Variants in AMBRA1 observed in about 807,000 individuals in gnomAD.
AMBRA1 encodes the protein autophagy and beclin 1 regulator 1.
In AMBRA1, 47 loss-of-function variants were observed where a neutral mutation model predicts 125.4. That is an observed-to-expected ratio of 0.37 (90% confidence interval 0.30 to 0.48). The LOEUF (loss-of-function observed/expected upper bound fraction) is 0.48, where lower values mean the gene tolerates loss of function less well. Ranked by LOEUF, AMBRA1 falls within the 20% of genes least tolerant of loss-of-function variation. The pLI, the probability that AMBRA1 is intolerant of heterozygous loss-of-function variation, is 0.99. For missense variants in AMBRA1, 1,331 were observed against 1,693.4 expected (o/e 0.79, Z 3.76); for synonymous variants, 626 against 655.5 (o/e 0.95, Z 0.69).
At chr11:46,418,102 T>G in intron 14 of AMBRA1, 50 bp from the exon 15 acceptor site, 1 of 1,485,342 alleles carries the variant, frequency 6.7e-7, no homozygotes, top group Non-Finnish European at 9.1e-7. Context: ...AGAAACAATT[T>G]GTTACCAAGA....
intron 1 of AMBRA1, among the ~76,000 whole-genome samples, chr11:46,584,518 TATAATA>T (rs571769164): frequency 3.3e-5 from 5 of 151,124 alleles, no homozygotes; most frequent in South Asian, 2.1e-4. Context: ...AAACTTGAAG[TATAATA>T]ATAATAATAA....
chr11:46,554,425 A>C (rs946728827), intron 1 of AMBRA1, among the ~76,000 whole-genome samples: 5 of 152,112 alleles, frequency 3.3e-5, no homozygotes, highest in African/African-American at 1.2e-4. Flanking sequence ...TACAAATATC[A>C]ATACCAAGAA....
At chr11:46,457,830 A>C (rs1181990335) in intron 11 of AMBRA1, among the ~76,000 whole-genome samples, 3 of 147,370 alleles carry the variant, frequency 2.0e-5, no homozygotes, top group African/African-American at 7.5e-5. Context: ...TGAGCCAAGG[A>C]GGGAGGTGGA....
intron 12 of AMBRA1, among the ~76,000 whole-genome samples, chr11:46,436,368 G>C (rs1336933515): frequency 1.3e-5 from 2 of 152,174 alleles, no homozygotes; most frequent in African/African-American, 2.4e-5. Context: ...TATCAAAAAA[G>C]GCATTAGAAT....
intron 5 of AMBRA1, among the ~76,000 whole-genome samples, chr11:46,544,452 G>C (rs1407451756): frequency 6.6e-6 from 1 of 152,122 alleles, no homozygotes; most frequent in Non-Finnish European, 1.5e-5. Context: ...AACAGTCCCA[G>C]CATTAAGTGA....
intron 11 of AMBRA1, among the ~76,000 whole-genome samples, chr11:46,465,671 T>G (rs1949293465): frequency 6.6e-6 from 1 of 152,104 alleles, no homozygotes; most frequent in Non-Finnish European, 1.5e-5. Context: ...TTACTTTTGG[T>G]TTTTCCTGGC....
chr11:46,542,181 A>C lies in AMBRA1; in HGVS notation c.1836T>G (p.Ser612Arg), dbSNP rs1467841006. ...VPSSFESVPS[S>R]GSQLPPLERT... The stretch of plus-strand genomic sequence containing the variant: ...GCTCGAGAGGTGGCAACTGGCTGCC[A>C]CTTGATGGCACACTCTCAAAGGAGC... The change falls in exon 7 of 18, where the codon AGT becomes AGG. Residue 612 changes from serine to arginine, a missense_variant. Ser to Arg is a moderately radical substitution (Grantham distance 110). This residue lies in a region of AMBRA1 where 689 missense variants were observed against 776.5 expected (regional missense o/e 0.89). Transcript: ENST00000683756. This position sits in a 1 kb window ranked among gnomAD's most constrained non-coding sequence, Gnocchi z 5.9. 1.2e-6 allele frequency: 2 copies of C among 1,613,762 alleles called. No homozygotes were observed. The highest frequency in any genetic ancestry group is 2.7e-5 in the African/African-American group (2 of 75,044).
At chr11:46,487,332 T>G (rs1565209870) in intron 11 of AMBRA1, among the ~76,000 whole-genome samples, 1 of 151,968 alleles carries the variant, frequency 6.6e-6, no homozygotes, top group Non-Finnish European at 1.5e-5. Flanking sequence ...TAATAACAAG[T>G]AAATTGTTGT....
chr11:46,519,888 C>T (rs530761683), intron 7 of AMBRA1, among the ~76,000 whole-genome samples: 16 of 152,088 alleles, frequency 1.1e-4, no homozygotes, highest in Non-Finnish European at 2.1e-4. Flanking sequence ...GCCTGTAATC[C>T]CAGCACTTTG....
chr11:46,528,066 C>T (rs1166928355), intron 7 of AMBRA1, among the ~76,000 whole-genome samples: 1 of 152,172 alleles, frequency 6.6e-6, no homozygotes, highest in Non-Finnish European at 1.5e-5. Context: ...AAATGTCCAT[C>T]AGTAGATGAA....
chr11:46,482,776 C>G (rs1950123064), intron 11 of AMBRA1, among the ~76,000 whole-genome samples: 1 of 151,830 alleles, frequency 6.6e-6, no homozygotes, highest in Non-Finnish European at 1.5e-5. Context: ...TTTGGGGTGC[C>G]GAGGCAGGCA....
rs1458412938 is a variant in AMBRA1, at chr11:46,397,668, T to G, written c.3679A>C (p.Ser1227Arg). 7.4e-6 allele frequency: 12 copies of G among 1,613,034 alleles called. No homozygotes were observed. The highest frequency in any genetic ancestry group is 1.0e-5 in the Non-Finnish European group (12 of 1,179,486). Residue 1227 changes from serine (S) to arginine (R), a missense_variant, in exon 18 of 18, where the codon AGC (serine) becomes CGC (arginine). By Grantham distance (110) the Ser-to-Arg change is moderately radical (BLOSUM62 -1). Coordinates refer to ENST00000683756, the MANE Select transcript of AMBRA1 (RefSeq NM_001387011.1). ...TGGTCCCAGGAAGCTGTCCGGGGGC[T>G]TAGGCCTCGCTCTGCCAGTTGCCCG... Reference protein sequence around the residue: ...EAGQLAERGLSPRTASWDQPG... With the variant: ...EAGQLAERGLRPRTASWDQPG...
intron 7 of AMBRA1, among the ~76,000 whole-genome samples, chr11:46,527,115 G>A (rs1342728051): frequency 1.3e-5 from 2 of 152,050 alleles, no homozygotes; most frequent in East Asian, 3.9e-4. Context: ...AGCCCTGGGT[G>A]GCTCCCTTTC....
rs1445630019 is a variant in AMBRA1 at position 46,396,757 on chromosome 11, TG to T, written c.*692del. 2 of 152,670 alleles carry T rather than the reference TG, an allele frequency of 1.3e-5. No homozygotes were observed. Among genetic ancestry groups the T allele is most frequent in the Non-Finnish European group, 2.9e-5 (2 of 68,116 alleles). 9.5% of individuals were successfully genotyped at this position (152,670 alleles called of 1,614,324 possible). A position where few individuals can be genotyped will look rare whatever the true frequency, so the allele number is the denominator to read the frequency against. On this transcript the variant is annotated 3_prime_UTR_variant, in exon 18 of 18. Transcript: ENST00000683756. ...GAGGGCCTTGCGGGGAGAAGACTGG[TG>T]GACAAGCCCTGGGGGCTGGCCAGCC...
intron 11 of AMBRA1, among the ~76,000 whole-genome samples, chr11:46,479,929 C>T (rs1017785260): frequency 6.6e-6 from 1 of 152,122 alleles, no homozygotes; most frequent in Non-Finnish European, 1.5e-5. Flanking sequence ...AAACAAAGGA[C>T]TCATTGGGCT....
chr11:46,446,440 G>A (rs563131761), intron 11 of AMBRA1, among the ~76,000 whole-genome samples: 38 of 152,272 alleles, frequency 2.5e-4, no homozygotes, highest in African/African-American at 7.5e-4. Context: ...ATTTACATAC[G>A]AGGCACTTAG....
At chr11:46,444,302 G>T (rs957718798) in intron 11 of AMBRA1, among the ~76,000 whole-genome samples, 40 of 152,084 alleles carry the variant, frequency 2.6e-4, no homozygotes, top group Non-Finnish European at 5.4e-4. Context: ...ATCCACATTT[G>T]CTTGTAACAT....
At chr11:46,588,791 AAAG>A (rs2044493384) in intron 1 of AMBRA1, among the ~76,000 whole-genome samples, 1 of 151,922 alleles carries the variant, frequency 6.6e-6, no homozygotes, top group Non-Finnish European at 1.5e-5. Context: ...AAAAAAAAAA[AAAG>A]TATTATGATG....
intron 12 of AMBRA1, among the ~76,000 whole-genome samples, chr11:46,439,555 C>G (rs1396088018): frequency 6.6e-6 from 1 of 152,060 alleles, no homozygotes; most frequent in African/African-American, 2.4e-5. Flanking sequence ...AAAGACTTAA[C>G]TATTAAAAAA....
Sources: gnomAD v4.1 joint callset for allele counts (sites outside exome capture counted in the v4.1 genomes callset) on GRCh38, gnomAD v4.1.1 for gene constraint, gnomAD v4.1.1 regional missense constraint, Gnocchi (gnomAD v3.1) non-coding constraint, MANE v1.5 for transcripts, NCBI Gene and HGNC (gene_info 2026-07-23, HGNC 2026-07-21) for gene names.